The following RABGEF1 variants were observed in gnomAD, a reference collection of about 807,000 sequenced individuals.
The protein encoded by RABGEF1 is RAB guanine nucleotide exchange factor 1, also known as rab5 GDP/GTP exchange factor.
In RABGEF1, 26 loss-of-function variants were observed where a neutral mutation model predicts 57.3. The observed-to-expected ratio is 0.45, with a 90% CI of 0.33 to 0.63. RABGEF1 has a LOEUF of 0.63. RABGEF1 is among the 20% of genes least tolerant of loss of function. The pLI is 0.02. For missense variants in RABGEF1, 464 were observed against 607.6 expected, an observed-to-expected ratio of 0.76 and a Z score of 2.48; for synonymous variants, 185 against 210.7, an observed-to-expected ratio of 0.88 and a Z score of 1.06.
intron 1 of RABGEF1, among the ~76,000 whole-genome samples, chr7:66,768,570 G>A (rs1420212650): frequency 2.0e-5 from 3 of 152,198 alleles, no homozygotes; most frequent in Non-Finnish European, 2.9e-5. Flanking sequence ...TGCAGGTTCT[G>A]TGGGCTGTGG....
At chr7:66,662,167 A>G in the RABGEF1 span, among the ~76,000 whole-genome samples, 1 of 148,380 alleles carries the variant, frequency 6.7e-6, no homozygotes, top group Non-Finnish European at 1.5e-5. Flanking sequence ...TGAACCCGGG[A>G]GGGGCAGTTT....
intron 2 of RABGEF1, among the ~76,000 whole-genome samples, chr7:66,716,476 C>T (rs1408181157): frequency 6.6e-6 from 1 of 152,132 alleles, no homozygotes; most frequent in Non-Finnish European, 1.5e-5. Flanking sequence ...CGGCATGTGC[C>T]TGTAGTCCTA....
Position 66,795,365 on chromosome 7 carries a change from ACT to A in RABGEF1, c.514-142_514-141del, listed in dbSNP as rs1390288939. On this transcript the variant is annotated intron_variant, in intron 4 of 8. Transcript: ENST00000284957. Reference sequence around the variant, plus strand: ...GAAATAATATTAATGGATAGGTTTTACTCTCCTGCAGGATTAATATAACCTGT... The same window carrying A: ...GAAATAATATTAATGGATAGGTTTTACTCCTGCAGGATTAATATAACCTGT... The A allele has an allele frequency of 4.6e-6, 3 of 648,260 alleles. No individual in the cohort carries two copies. In the East Asian group the frequency reaches 8.2e-5, roughly 18 times the overall value. 40.2% of individuals were successfully genotyped at this position (648,260 alleles called of 1,614,324 possible). A position where few individuals can be genotyped will look rare whatever the true frequency, so the allele number is the denominator to read the frequency against.
chr7:66,761,293 C>G (rs923689584), intron 1 of RABGEF1, among the ~76,000 whole-genome samples: 1 of 152,226 alleles, frequency 6.6e-6, no homozygotes, highest in South Asian at 2.1e-4. Context: ...TCCTAACCCC[C>G]ATCAGTTGCA....
At chr7:66,786,095 A>G (rs1482096125) in intron 4 of RABGEF1, among the ~76,000 whole-genome samples, 1 of 152,174 alleles carries the variant, frequency 6.6e-6, no homozygotes, top group Non-Finnish European at 1.5e-5. Flanking sequence ...AAAATTTCTG[A>G]GATCCAGGAG....
intron 2 of RABGEF1, 63 bp downstream of exon 2, chr7:66,772,141 G>A (rs1266739834): frequency 2.5e-5 from 31 of 1,249,372 alleles, no homozygotes; most frequent in Non-Finnish European, 3.1e-5. Context: ...TTCTGTCACC[G>A]TCTAAATACA....
At chr7:66,704,822 A>G (rs1235089670) in intron 1 of RABGEF1, among the ~76,000 whole-genome samples, 1 of 152,140 alleles carries the variant, frequency 6.6e-6, no homozygotes, top group Non-Finnish European at 1.5e-5. Context: ...AAAAAAAAAA[A>G]AAAAGTTTAA....
intron 2 of RABGEF1, among the ~76,000 whole-genome samples, chr7:66,717,127 G>T (rs531252990): frequency 4.6e-5 from 7 of 152,054 alleles, no homozygotes; most frequent in African/African-American, 7.2e-5. Context: ...CTTCTTTTGG[G>T]TTATTTGACT....
At chr7:66,766,128 A>C (rs1191330344) in intron 1 of RABGEF1, among the ~76,000 whole-genome samples, 2 of 152,122 alleles carry the variant, frequency 1.3e-5, no homozygotes, top group Non-Finnish European at 2.9e-5. Flanking sequence ...ACTTGAGCTC[A>C]GGAGTTCAAG....
intron 2 of RABGEF1, among the ~76,000 whole-genome samples, chr7:66,721,556 A>C (rs1796055565): frequency 6.6e-6 from 1 of 152,102 alleles, no homozygotes; most frequent in African/African-American, 2.4e-5. Flanking sequence ...TCTGGCACTT[A>C]TCTCTGCTTC....
intron 1 of RABGEF1, among the ~76,000 whole-genome samples, chr7:66,704,170 C>T (rs1793679913): frequency 6.6e-6 from 1 of 152,210 alleles, no homozygotes; most frequent in Non-Finnish European, 1.5e-5. Flanking sequence ...CACAAACTGT[C>T]ACCACCACAG....
chr7:66,677,896 C>T (rs1380487430), upstream of RABGEF1, among the ~76,000 whole-genome samples: 1 of 151,370 alleles, frequency 6.6e-6, no homozygotes, highest in Admixed American at 6.6e-5. Flanking sequence ...AAAACCTTGT[C>T]TCTATGAAAA....
In RABGEF1 at chr7:66,775,319, C is replaced by G. The variant is rs1808259406; in HGVS notation, c.272C>G (p.Thr91Ser). Residue 91 changes from threonine (T) to serine (S), a missense_variant, in exon 3 of 9, where the codon ACC becomes AGC. By Grantham distance (58) the Thr-to-Ser change is moderately conservative (BLOSUM62 1). Coordinates refer to ENST00000284957, the MANE Select transcript of RABGEF1 (RefSeq NM_014504.3). ...LTFSKFEEKK[T>S]NEKTRKVTTV... ...TTCTCCAAGTTTGAAGAAAAGAAAA[C>G]CAACGAGAAGACCCGCAAGGTTACC... The G allele has an allele frequency of 6.2e-7, 1 of 1,613,938 alleles. No individual in the cohort carries two copies.
chr7:66,728,850 G>C (rs72506766), intron 2 of RABGEF1, among the ~76,000 whole-genome samples: 15 of 746 alleles, frequency 0.02, no homozygotes, highest in Admixed American at 0.052. Flanking sequence ...ACACCTACAC[G>C]TCTATCCTCA....
chr7:66,679,692 C>T (rs1638731), upstream of RABGEF1, among the ~76,000 whole-genome samples: 15,691 of 152,168 alleles, frequency 0.1, 990 homozygotes, highest in South Asian at 0.2. Context: ...TTCCTCAGGC[C>T]TTTTCTGTCT....
At chr7:66,736,068 C>T (rs1370184657), upstream of RABGEF1, among the ~76,000 whole-genome samples, 1 of 151,938 alleles carries the variant, frequency 6.6e-6, no homozygotes, top group Non-Finnish European at 1.5e-5. Context: ...TGCAGTAAGA[C>T]AGGAAAAGGA....
intron 4 of RABGEF1, among the ~76,000 whole-genome samples, chr7:66,790,053 G>T (rs1487434020): frequency 6.6e-6 from 1 of 152,234 alleles, no homozygotes; most frequent in Non-Finnish European, 1.5e-5. Flanking sequence ...AGCAAGCATT[G>T]GCAGATACTG....
At chr7:66,797,106 C>T (rs1786129528) in intron 5 of RABGEF1, among the ~76,000 whole-genome samples, 1 of 151,312 alleles carries the variant, frequency 6.6e-6, no homozygotes, top group South Asian at 2.1e-4. Context: ...TCGAGACCAG[C>T]CTGGGCAACA....
the RABGEF1 span, among the ~76,000 whole-genome samples, chr7:66,670,965 T>G: frequency 6.6e-6 from 1 of 151,708 alleles, no homozygotes; most frequent in Admixed American, 6.6e-5. Flanking sequence ...TGGTCTTACT[T>G]AATGTGTGTG....
Sources: allele counts gnomAD v4.1 joint callset (sites outside exome capture counted in the v4.1 genomes callset), GRCh38; gene constraint gnomAD v4.1.1; transcripts MANE v1.5; gene names NCBI Gene and HGNC (gene_info 2026-07-23, HGNC 2026-07-21).